MROH1: variants seen among roughly 807,000 people sequenced by gnomAD.
MROH1 encodes maestro heat like repeat family member 1.
A neutral mutation model predicts 116.5 loss-of-function variants in MROH1; 117 were observed. The ratio of observed to expected loss-of-function variants is 1.00; its 90% confidence interval spans 0.86 to 1.17. MROH1 has a LOEUF of 1.17. Among genes scored for constraint, MROH1 ranks in the 50% most tolerant of loss-of-function variants. The pLI is 0.00. For synonymous variants in MROH1, 921 were observed against 583.9 expected, an observed-to-expected ratio of 1.58 and a Z score of -8.32; for missense variants, 1,873 against 1,338.5, an observed-to-expected ratio of 1.40 and a Z score of -6.23.
intron 14 of MROH1, among the ~76,000 whole-genome samples, chr8:144,229,832 G>A (rs1250439851): frequency 1.3e-5 from 2 of 151,916 alleles, no homozygotes; most frequent in African/African-American, 4.8e-5. Context: ...TCAGGACTTC[G>A]AGACCAGCCT....
At chr8:144,249,653 C>G (rs890767947) in intron 32 of MROH1, among the ~76,000 whole-genome samples, 1 of 152,130 alleles carries the variant, frequency 6.6e-6, no homozygotes, top group Non-Finnish European at 1.5e-5. Flanking sequence ...GTTTCCCCCG[C>G]GTTCCGTTCA....
intron 8 of MROH1, 124 bp from the exon 9 acceptor site, chr8:144,191,591 C>T (rs1828613236): frequency 1.5e-6 from 2 of 1,311,264 alleles, no homozygotes; most frequent in South Asian, 2.8e-5. Context: ...CACGTCCCAG[C>T]CCCCGTAGCA....
intron 7 of MROH1, among the ~76,000 whole-genome samples, chr8:144,187,751 G>A (rs761304776): frequency 5.9e-5 from 9 of 152,330 alleles, no homozygotes; most frequent in Non-Finnish European, 1.3e-4. Flanking sequence ...GCTAGAAGGT[G>A]GCCAGTGGCC....
chr8:144,193,533 G>A (rs1045649002), intron 10 of MROH1, among the ~76,000 whole-genome samples: 6 of 152,208 alleles, frequency 3.9e-5, no homozygotes, highest in Admixed American at 2.0e-4. Context: ...GAGCATAGAC[G>A]TGAGGTTTTG....
At chr8:144,226,978 A>G (rs1349662999) in intron 14 of MROH1, among the ~76,000 whole-genome samples, 1 of 152,216 alleles carries the variant, frequency 6.6e-6, no homozygotes, top group Non-Finnish European at 1.5e-5. Context: ...TCGATTCTGT[A>G]TATTCTGGTA....
At chr8:144,248,437 G>A (rs1305639315) in intron 31 of MROH1, among the ~76,000 whole-genome samples, 1 of 152,194 alleles carries the variant, frequency 6.6e-6, no homozygotes, top group Non-Finnish European at 1.5e-5. Flanking sequence ...CAGAGACTGT[G>A]TCTCCTGCAG....
chr8:144,249,740 T>C (rs924092859), intron 32 of MROH1, among the ~76,000 whole-genome samples: 5 of 152,130 alleles, frequency 3.3e-5, no homozygotes, highest in East Asian at 1.9e-4. Flanking sequence ...CAGGCCCAGC[T>C]CCATCCTCGG....
At chr8:144,210,946 T>C (rs1024841246) in intron 12 of MROH1, among the ~76,000 whole-genome samples, 1 of 152,190 alleles carries the variant, frequency 6.6e-6, no homozygotes, top group African/African-American at 2.4e-5. Flanking sequence ...ACAACTCTTT[T>C]CATCTTGCAA....
rs886820393 is a variant in MROH1, at chr8:144,240,580, A to G, written c.1838A>G (p.Asp613Gly). Residue 613 changes from aspartate (D) to glycine (G), a missense_variant, in exon 20 of 44, where the codon GAC becomes GGC. Transcript: ENST00000326134. ...CATCTTGGCCTGCAGTTCCTGCGAG[A>G]CACCCTGGCCATCATTTCTGACAAC... Reference protein sequence around the residue: ...WEEKLLMFLRDTLAIISDNAW... With the variant: ...WEEKLLMFLRGTLAIISDNAW... The G allele has an allele frequency of 1.5e-5, 11 of 716,854 alleles. No homozygotes were observed. In the African/African-American group the frequency reaches 1.7e-4, roughly 11 times the overall value. 44.4% of individuals were successfully genotyped at this position (716,854 alleles called of 1,614,324 possible).
intron 12 of MROH1, among the ~76,000 whole-genome samples, chr8:144,211,263 C>T (rs900787124): frequency 1.3e-5 from 2 of 152,206 alleles, no homozygotes; most frequent in African/African-American, 2.4e-5. Context: ...CTCCTTTGAA[C>T]GTCAGTCTTA....
intron 16 of MROH1, 40 bp from the exon 17 acceptor site, chr8:144,239,283 A>G: frequency 1.3e-6 from 1 of 774,802 alleles, no homozygotes; most frequent in South Asian, 1.3e-5. Flanking sequence ...CCAGGGCTAC[A>G]GGCAGCCCCC....
chr8:144,254,597 T>C, intron 33 of MROH1: 1 of 571,184 alleles, frequency 1.8e-6, no homozygotes, highest in South Asian at 2.1e-5. Context: ...GATTTTTCTC[T>C]GTGTCCTTTA....
Position 144,213,028 on chromosome 8 carries a change from A to G in MROH1, c.1142-7572A>G, listed in dbSNP as rs761540699. 5.1e-6 allele frequency: 4 copies of G among 779,778 alleles called. No homozygotes were observed. In the East Asian group the frequency reaches 7.3e-5, roughly 14 times the overall value. 48.3% of individuals were successfully genotyped at this position (779,778 alleles called of 1,614,324 possible). A position where few individuals can be genotyped will look rare whatever the true frequency, so the allele number is the denominator to read the frequency against. Reference sequence around the variant, plus strand: ...ACACCAGAATAACACTGATGTTGCCATCAGCAGTCACACGACTGAAACATG... The same window carrying G: ...ACACCAGAATAACACTGATGTTGCCGTCAGCAGTCACACGACTGAAACATG... On this transcript the variant is annotated intron_variant, in intron 12 of 43. Transcript: ENST00000326134.
At chr8:144,168,461 G>A (rs1821538518) in intron 4 of MROH1, 21 bp downstream of exon 4, 1 of 1,585,476 alleles carries the variant, frequency 6.3e-7, no homozygotes. Flanking sequence ...TCCTTGGTGG[G>A]GATGATGTTG....
chr8:144,226,530 G>A (rs1416942630), intron 14 of MROH1, among the ~76,000 whole-genome samples: 2 of 151,994 alleles, frequency 1.3e-5, no homozygotes, highest in African/African-American at 4.8e-5. Flanking sequence ...CTGGCTCACT[G>A]CAGCCTCCAC....
chr8:144,203,931 G>T lies in MROH1; in HGVS notation c.1141+3390G>T, dbSNP rs907705566. 3.3e-5 allele frequency among the ~76,000 whole-genome samples: 5 copies of T among 152,088 alleles called. 1 individual carries two copies. Among genetic ancestry groups the T allele is most frequent in the African/African-American group, 1.2e-4 (5 of 41,386 alleles). On this transcript the variant is annotated intron_variant, in intron 12 of 43. Coordinates refer to ENST00000326134, the MANE Select transcript of MROH1 (RefSeq NM_032450.3). ...ATCAATCACATTTATGCTTTTCAGC[G>T]TTCACTTTGTTTTCCCCATATTTCA...
At chr8:144,211,540 A>G (rs1455802651) in intron 12 of MROH1, among the ~76,000 whole-genome samples, 1 of 152,046 alleles carries the variant, frequency 6.6e-6, no homozygotes, top group Non-Finnish European at 1.5e-5. Context: ...CCTGACCAAC[A>G]TGGTGAAACC....
rs1839059097 is a variant in MROH1 at position 144,232,343 on chromosome 8, G to A, written c.1339-6413G>A. On this transcript the variant is annotated intron_variant, in intron 14 of 43. Transcript: ENST00000326134. ...AATTCCTTTCTATTTCTAGTTTTCT[G>A]AGACTTTATTATGGATTTTATGGAT... Among the ~76,000 whole-genome samples, 4 of 152,004 alleles carry A rather than the reference G, an allele frequency of 2.6e-5. No homozygotes were observed. The South Asian group carries it at 8.3e-4, about 32-fold the overall frequency.
At chr8:144,215,085 A>C (rs1481244860) in intron 12 of MROH1, among the ~76,000 whole-genome samples, 1 of 152,174 alleles carries the variant, frequency 6.6e-6, no homozygotes, top group Non-Finnish European at 1.5e-5. Flanking sequence ...TTCCCAGTCC[A>C]CTGACTCAAA....
Sources: allele counts gnomAD v4.1 joint callset (sites outside exome capture counted in the v4.1 genomes callset), GRCh38; gene constraint gnomAD v4.1.1; transcripts MANE v1.5; gene names NCBI Gene and HGNC (gene_info 2026-07-23, HGNC 2026-07-21).